Variants in PABPC4L observed in about 807,000 individuals in gnomAD.
PABPC4L encodes polyadenylate-binding protein 4-like.
For missense variants in PABPC4L, 452 were observed against 451.4 expected, an observed-to-expected ratio of 1.00 and a Z score of -0.01; for synonymous variants, 169 against 164.1, an observed-to-expected ratio of 1.03 and a Z score of -0.23.
chr4:133,979,232 T>G, the PABPC4L span, among the ~76,000 whole-genome samples: 1 of 152,182 alleles, frequency 6.6e-6, no homozygotes, highest in Non-Finnish European at 1.5e-5. Flanking sequence ...TTTCTAAGTC[T>G]AATTCTTTCC....
At chr4:134,111,995 T>A in the PABPC4L span, among the ~76,000 whole-genome samples, 11 of 151,876 alleles carry the variant, frequency 7.2e-5, no homozygotes, top group Non-Finnish European at 8.8e-5. Context: ...ACAAGGAAGA[T>A]TAAAATCAAA....
At chr4:134,175,617 T>C in the PABPC4L span, among the ~76,000 whole-genome samples, 1 of 152,000 alleles carries the variant, frequency 6.6e-6, no homozygotes, top group Non-Finnish European at 1.5e-5. Flanking sequence ...TCTGGCTAAT[T>C]TTTGTATTTT....
chr4:134,103,203 T>C, the PABPC4L span, among the ~76,000 whole-genome samples: 1 of 151,662 alleles, frequency 6.6e-6, no homozygotes, highest in Non-Finnish European at 1.5e-5. Context: ...TCTTGGTATG[T>C]TTATTAGATA....
At chr4:134,032,364 G>A in the PABPC4L span, among the ~76,000 whole-genome samples, 1 of 151,984 alleles carries the variant, frequency 6.6e-6, no homozygotes, top group East Asian at 1.9e-4. Context: ...AAAGCACAGT[G>A]AGGAGAAGCA....
chr4:134,090,499 G>T, the PABPC4L span, among the ~76,000 whole-genome samples: 21 of 152,154 alleles, frequency 1.4e-4, no homozygotes, highest in East Asian at 3.9e-3. Context: ...CAGGTGCAGT[G>T]GCTTATGCCT....
chr4:134,101,996 T>C, the PABPC4L span, among the ~76,000 whole-genome samples: 1 of 151,644 alleles, frequency 6.6e-6, no homozygotes, highest in East Asian at 1.9e-4. Flanking sequence ...ATTCCACTTC[T>C]CCAGAGCTGT....
At chr4:133,981,536 T>C in the PABPC4L span, among the ~76,000 whole-genome samples, 1 of 149,664 alleles carries the variant, frequency 6.7e-6, no homozygotes, top group Non-Finnish European at 1.5e-5. Context: ...AATCAGCACT[T>C]TATCTTAACA....
chr4:134,017,989 C>T, the PABPC4L span, among the ~76,000 whole-genome samples: 33 of 152,176 alleles, frequency 2.2e-4, no homozygotes, highest in Admixed American at 1.2e-3. Context: ...GGCCTCTGAG[C>T]CCAAGCTAAG....
the PABPC4L span, among the ~76,000 whole-genome samples, chr4:133,953,327 G>A: frequency 1.3e-5 from 2 of 152,080 alleles, no homozygotes; most frequent in African/African-American, 4.8e-5. Flanking sequence ...TGGAAACCAT[G>A]ATCTTTGCCT....
chr4:134,053,456 C>T, the PABPC4L span, among the ~76,000 whole-genome samples: 1 of 152,044 alleles, frequency 6.6e-6, no homozygotes, highest in Non-Finnish European at 1.5e-5. Flanking sequence ...GTAAAATCAA[C>T]AAACTAAAGG....
the PABPC4L span, among the ~76,000 whole-genome samples, chr4:134,017,975 G>C: frequency 6.6e-6 from 1 of 152,068 alleles, no homozygotes. Context: ...AGACAGGAAT[G>C]TCAGGCCTCT....
the PABPC4L span, among the ~76,000 whole-genome samples, chr4:133,967,189 G>T: frequency 6.6e-6 from 1 of 151,962 alleles, no homozygotes; most frequent in Admixed American, 6.6e-5. Context: ...AGTGTTGAGA[G>T]GGCCAGGCAC....
the PABPC4L span, among the ~76,000 whole-genome samples, chr4:134,006,520 C>T: frequency 6.6e-6 from 1 of 151,898 alleles, no homozygotes; most frequent in Non-Finnish European, 1.5e-5. Context: ...AGCCCAGCTA[C>T]TTTTGTCTCT....
the PABPC4L span, among the ~76,000 whole-genome samples, chr4:134,124,493 G>T: frequency 6.6e-6 from 1 of 151,900 alleles, no homozygotes; most frequent in African/African-American, 2.4e-5. Flanking sequence ...TTGTTCTTCA[G>T]GTACATGGAA....
At chr4:134,070,556 G>A in the PABPC4L span, among the ~76,000 whole-genome samples, 3 of 152,144 alleles carry the variant, frequency 2.0e-5, no homozygotes, top group African/African-American at 7.2e-5. Flanking sequence ...GCCAGCTGCA[G>A]TGTCCCAGTG....
downstream of PABPC4L, among the ~76,000 whole-genome samples, chr4:134,191,660 A>G (rs1729514406): frequency 6.6e-6 from 1 of 152,134 alleles, no homozygotes; most frequent in Non-Finnish European, 1.5e-5. Flanking sequence ...AACAAAACAC[A>G]TACCAAAGCA....
chr4:134,122,861 G>A, the PABPC4L span, among the ~76,000 whole-genome samples: 2 of 151,466 alleles, frequency 1.3e-5, no homozygotes, highest in Non-Finnish European at 3.0e-5. Flanking sequence ...AAGGTGTTTT[G>A]TTTACATCAC....
chr4:134,039,316 A>G, the PABPC4L span, among the ~76,000 whole-genome samples: 12 of 152,250 alleles, frequency 7.9e-5, no homozygotes, highest in Admixed American at 6.5e-4. Context: ...CAGGGTGGAG[A>G]GTTCTGTAGA....
At chr4:133,974,030 G>T in the PABPC4L span, among the ~76,000 whole-genome samples, 1 of 152,074 alleles carries the variant, frequency 6.6e-6, no homozygotes, top group Non-Finnish European at 1.5e-5. Flanking sequence ...ATCTAATAAT[G>T]TAAGGAAACC....
Sources: allele counts gnomAD v4.1 joint callset (sites outside exome capture counted in the v4.1 genomes callset), GRCh38; gene constraint gnomAD v4.1.1; transcripts MANE v1.5; gene names NCBI Gene and HGNC (gene_info 2026-07-23, HGNC 2026-07-21).